Variants in MSRA observed in about 807,000 individuals in gnomAD.
The protein encoded by MSRA is methionine sulfoxide reductase A, also known as mitochondrial peptide methionine sulfoxide reductase.
MSRA carries 54 observed loss-of-function variants against 31.3 expected under a neutral mutation model. That is an observed-to-expected ratio of 1.73 (90% CI 1.39 to 2.17). The LOEUF is 2.17. Ranked by LOEUF, MSRA falls within the 30% of genes most tolerant of loss-of-function variation. The pLI, the probability that MSRA is intolerant of heterozygous loss-of-function variation, is 0.00. For synonymous variants in MSRA, 169 were observed against 116.5 expected (o/e 1.45, Z -2.90); for missense variants, 507 against 300.9 (o/e 1.69, Z -5.07).
At chr8:10,064,217 C>T (rs756938967) in intron 1 of MSRA, among the ~76,000 whole-genome samples, 1 of 152,198 alleles carries the variant, frequency 6.6e-6, no homozygotes, top group Non-Finnish European at 1.5e-5. Flanking sequence ...CCTCTCCGTT[C>T]AGTGAGATAC....
intron 3 of MSRA, among the ~76,000 whole-genome samples, chr8:10,274,841 A>T (rs893014174): frequency 6.6e-6 from 1 of 152,042 alleles, no homozygotes; most frequent in African/African-American, 2.4e-5. Context: ...TCACCTGTTC[A>T]ACCAAGCAAC....
chr8:10,102,806 T>A (rs1799625116), intron 1 of MSRA, among the ~76,000 whole-genome samples: 1 of 152,166 alleles, frequency 6.6e-6, no homozygotes, highest in South Asian at 2.1e-4. Flanking sequence ...AGTAGGAGGG[T>A]ACCTTATTAT....
intron 5 of MSRA, among the ~76,000 whole-genome samples, chr8:10,348,074 C>T (rs1182229251): frequency 2.0e-5 from 3 of 152,198 alleles, no homozygotes; most frequent in Non-Finnish European, 2.9e-5. Context: ...GAATAACCCT[C>T]ACGTTAAGGT....
At chr8:10,353,158 A>G (rs147912343) in intron 5 of MSRA, among the ~76,000 whole-genome samples, 60 of 152,306 alleles carry the variant, frequency 3.9e-4, no homozygotes, top group Non-Finnish European at 7.1e-4. Flanking sequence ...ACTGTGAGAC[A>G]AAGAATTGTG....
At chr8:10,078,932 G>A (rs1404705863) in intron 1 of MSRA, among the ~76,000 whole-genome samples, 1 of 152,240 alleles carries the variant, frequency 6.6e-6, no homozygotes, top group African/African-American at 2.4e-5. Flanking sequence ...TTTGGAGCCA[G>A]TGGTCCCTCG....
intron 5 of MSRA, among the ~76,000 whole-genome samples, chr8:10,377,999 TA>T (rs1387326725): frequency 6.6e-6 from 1 of 152,228 alleles, no homozygotes; most frequent in Non-Finnish European, 1.5e-5. Context: ...CAGAAGCTTC[TA>T]ATCAGCACCA....
At chr8:10,295,911 T>C (rs906227475) in intron 3 of MSRA, among the ~76,000 whole-genome samples, 19 of 152,186 alleles carry the variant, frequency 1.2e-4, no homozygotes, top group Non-Finnish European at 2.8e-4. Flanking sequence ...CAGCCTCAGC[T>C]CTTGCTCCTG....
chr8:10,057,963 T>A lies in MSRA; in HGVS notation c.142+3305T>A, dbSNP rs530557100. ...ACTTGTTTTTGCGTATTGGAAACAT[T>A]GCTAATCTGTGTTTGGGAATGAATC... On this transcript the variant is annotated intron_variant, in intron 1 of 5. Coordinates refer to ENST00000317173, the MANE Select transcript of MSRA (RefSeq NM_012331.5). Among the ~76,000 whole-genome samples the A allele has an allele frequency of 3.3e-5, 5 of 152,356 alleles. No homozygotes were observed. In the South Asian group the frequency reaches 6.2e-4, roughly 19 times the overall value.
intron 1 of MSRA, among the ~76,000 whole-genome samples, chr8:10,086,895 G>A (rs1474300573): frequency 1.3e-5 from 2 of 149,620 alleles, no homozygotes; most frequent in African/African-American, 5.0e-5. Context: ...AGAGGGAGAG[G>A]GAGAGGGAGA....
intron 5 of MSRA, among the ~76,000 whole-genome samples, chr8:10,410,708 G>A (rs1477990336): frequency 1.3e-5 from 2 of 152,144 alleles, no homozygotes; most frequent in East Asian, 3.9e-4. Context: ...AGAACTCCTG[G>A]AGATATTTTA....
intron 2 of MSRA, among the ~76,000 whole-genome samples, chr8:10,210,365 A>T (rs937622362): frequency 6.6e-6 from 1 of 152,222 alleles, no homozygotes; most frequent in East Asian, 1.9e-4. Flanking sequence ...CACTGGTTCA[A>T]GGAACCATGG....
chr8:10,218,348 G>A (rs932330645), intron 2 of MSRA, among the ~76,000 whole-genome samples: 2 of 151,830 alleles, frequency 1.3e-5, no homozygotes, highest in Non-Finnish European at 2.9e-5. Flanking sequence ...GTTTCACCAT[G>A]TTGCCAGGCT....
At chr8:10,213,861 A>T (rs1015509390) in intron 2 of MSRA, among the ~76,000 whole-genome samples, 1 of 152,072 alleles carries the variant, frequency 6.6e-6, no homozygotes, top group Non-Finnish European at 1.5e-5. Flanking sequence ...GGATTGCTGG[A>T]TCTGAAGGTG....
chr8:10,141,370 A>C (rs1206418937), intron 1 of MSRA, among the ~76,000 whole-genome samples: 1 of 152,224 alleles, frequency 6.6e-6, no homozygotes, highest in Non-Finnish European at 1.5e-5. Flanking sequence ...CAACTGATCA[A>C]GGATGAGTTG....
At chr8:10,170,307 G>A (rs539846745) in intron 1 of MSRA, among the ~76,000 whole-genome samples, 2 of 152,232 alleles carry the variant, frequency 1.3e-5, no homozygotes, top group Admixed American at 6.5e-5. Context: ...TCATAAGGGT[G>A]GAGCCCTTAG....
At chr8:10,412,286 C>G (rs558283719) in intron 5 of MSRA, among the ~76,000 whole-genome samples, 7 of 152,296 alleles carry the variant, frequency 4.6e-5, no homozygotes, top group Admixed American at 2.0e-4. Context: ...AACCACGTTT[C>G]TTTAAATTAA....
intron 3 of MSRA, among the ~76,000 whole-genome samples, chr8:10,260,040 G>A (rs531491405): frequency 3.9e-5 from 6 of 152,250 alleles, no homozygotes; most frequent in African/African-American, 7.2e-5. Flanking sequence ...GAGCAGTTCC[G>A]GGAAAGAGAA....
chr8:10,299,057 A>C (rs1407738445), intron 3 of MSRA, among the ~76,000 whole-genome samples: 1 of 152,166 alleles, frequency 6.6e-6, no homozygotes, highest in Non-Finnish European at 1.5e-5. Context: ...CAGCACTAAG[A>C]TGCTTCTAAG....
Position 10,309,391 on chromosome 8 carries a change from C to T in MSRA, c.436+7753C>T, listed in dbSNP as rs1000640431. ...CTAATAGCTGTCGTGCTCATGCCGC[C>T]TGTGGAAGGGCCGTTTCCATCACCA... On this transcript the variant is annotated intron_variant, in intron 4 of 5. Coordinates refer to ENST00000317173, the MANE Select transcript of MSRA (RefSeq NM_012331.5). 2.6e-5 allele frequency among the ~76,000 whole-genome samples: 4 copies of T among 152,220 alleles called. No homozygotes were observed. In the South Asian group the frequency reaches 8.3e-4, roughly 32 times the overall value.
Sources: gnomAD v4.1 joint callset for allele counts (sites outside exome capture counted in the v4.1 genomes callset) on GRCh38, gnomAD v4.1.1 for gene constraint, MANE v1.5 for transcripts, NCBI Gene and HGNC (gene_info 2026-07-23, HGNC 2026-07-21) for gene names.